Variants in FBN2 observed in about 807,000 individuals in gnomAD.
The protein encoded by FBN2 is fibrillin-2.
FBN2 carries 105 observed loss-of-function variants against 355.6 expected under a neutral mutation model. The observed-to-expected ratio is 0.30, with a 90% confidence interval of 0.25 to 0.35. The LOEUF is 0.35. Among genes scored for constraint, FBN2 ranks in the 10% least tolerant of loss-of-function variants. The pLI is 1.00. For missense variants in FBN2, 3,280 were observed against 3,758.7 expected (o/e 0.87, Z 3.33); for synonymous variants, 1,350 against 1,301.2 (o/e 1.04, Z -0.81).
intron 18 of FBN2, 53 bp downstream of exon 18, chr5:128,364,547 C>T (rs1189201834): frequency 2.8e-5 from 43 of 1,546,820 alleles, no homozygotes; most frequent in Non-Finnish European, 3.7e-5. Flanking sequence ...TAATATAATC[C>T]ATGGGATTAA....
At chr5:128,327,663 A>T (rs1750592404) in intron 34 of FBN2, among the ~76,000 whole-genome samples, 1 of 142,198 alleles carries the variant, frequency 7.0e-6, no homozygotes. Context: ...TTTTAGACTG[A>T]GTTTCGCTCT....
intron 15 of FBN2, among the ~76,000 whole-genome samples, chr5:128,372,154 A>T (rs2126951513): frequency 6.6e-6 from 1 of 152,348 alleles, no homozygotes; most frequent in African/African-American, 2.4e-5. Context: ...GAGGTCCTGT[A>T]TCTTGCTGTC....
intron 4 of FBN2, among the ~76,000 whole-genome samples, chr5:128,523,402 C>T (rs1756486215): frequency 6.6e-6 from 1 of 152,088 alleles, no homozygotes; most frequent in South Asian, 2.1e-4. Flanking sequence ...TTTTCCTCTT[C>T]CCCATCTCAC....
Position 128,406,677 on chromosome 5 carries a change from G to C in FBN2, c.1078+1997C>G, listed in dbSNP as rs1241179704. On this transcript the variant is annotated intron_variant, in intron 8 of 64. Coordinates refer to ENST00000262464, the MANE Select transcript of FBN2 (RefSeq NM_001999.4). ...TACAGCATGGATATGCTGGGAAAAA[G>C]AGGAGTCATACCCTGGACGGGCTGG... is the stretch of plus-strand genomic sequence containing the variant. Among the ~76,000 whole-genome samples, 5 of 152,178 alleles carry C rather than the reference G, an allele frequency of 3.3e-5. 1 individual carries two copies. Among genetic ancestry groups the C allele is most frequent in the Non-Finnish European group, 7.3e-5 (5 of 68,032 alleles).
chr5:128,329,548 C>CA (rs1266118451), intron 33 of FBN2, among the ~76,000 whole-genome samples: 1 of 152,104 alleles, frequency 6.6e-6, no homozygotes, highest in Non-Finnish European at 1.5e-5. Flanking sequence ...GACACAGCCA[C>CA]ACTGAGCTAA....
chr5:128,307,083 T>C (rs1157771801), intron 42 of FBN2, 52 bp downstream of exon 42: 1 of 1,115,268 alleles, frequency 9.0e-7, no homozygotes, highest in Non-Finnish European at 1.4e-6. Context: ...AATAGATTTT[T>C]ACAGAATGCT....
chr5:128,272,902 G>A (rs972210359), intron 61 of FBN2, among the ~76,000 whole-genome samples: 3 of 152,062 alleles, frequency 2.0e-5, no homozygotes, highest in East Asian at 1.9e-4. Flanking sequence ...TACTTTCAAC[G>A]TCTCAACGAT....
chr5:128,298,529 C>T (rs1444564612), intron 48 of FBN2, among the ~76,000 whole-genome samples: 4 of 151,858 alleles, frequency 2.6e-5, no homozygotes, highest in Admixed American at 2.6e-4. Flanking sequence ...GGAGGCTTTG[C>T]TCATTTCTTT....
chr5:128,479,936 C>G (rs1045667209), intron 5 of FBN2, among the ~76,000 whole-genome samples: 1 of 39,392 alleles, frequency 2.5e-5, no homozygotes, highest in Non-Finnish European at 6.1e-5. Context: ...CCTTGTCTCT[C>G]TCTCTCTCTC....
chr5:128,444,234 G>A (rs899042018), intron 7 of FBN2, among the ~76,000 whole-genome samples: 6 of 151,198 alleles, frequency 4.0e-5, no homozygotes, highest in South Asian at 4.2e-4. Flanking sequence ...CACCGCGCCC[G>A]GCTAATTTTT....
chr5:128,480,636 G>T (rs888116669), intron 5 of FBN2, among the ~76,000 whole-genome samples: 1 of 152,148 alleles, frequency 6.6e-6, no homozygotes, highest in Non-Finnish European at 1.5e-5. Context: ...CTTGAACCCG[G>T]GAGGCAGAGG....
intron 7 of FBN2, among the ~76,000 whole-genome samples, chr5:128,424,288 T>C (rs1753430977): frequency 2.0e-5 from 3 of 152,154 alleles, no homozygotes; most frequent in Admixed American, 6.6e-5. Flanking sequence ...TCGATGAAAT[T>C]AGTTTCACTT....
intron 6 of FBN2, among the ~76,000 whole-genome samples, chr5:128,450,470 T>C (rs897607784): frequency 2.0e-5 from 3 of 152,020 alleles, no homozygotes; most frequent in South Asian, 4.1e-4. Context: ...CATGGAGAAA[T>C]AGAACATATT....
rs1561757584 is a variant in FBN2, at chr5:128,301,005, C to A, written c.6047-69G>T. 9.6e-6 allele frequency: 14 copies of A among 1,457,166 alleles called. No individual in the cohort carries two copies. In the East Asian group the frequency reaches 3.0e-4, roughly 31 times the overall value. The allele number at this position is 1,457,166 out of a possible 1,614,324, so 90.3% of individuals were successfully genotyped here. On this transcript the variant is annotated intron_variant, in intron 47 of 64. Coordinates refer to ENST00000262464, the MANE Select transcript of FBN2 (RefSeq NM_001999.4). ...ATTGTTACATAGATTTATCTGTCTG[C>A]CAAATGATATTAACATGAATTCAAC...
At position 128,377,851 on chromosome 5, in the gene FBN2, C is replaced by T. The variant is rs2126958853; in HGVS notation, c.1750G>A (p.Val584Ile). The change falls in exon 13 of 65, where the codon GTT becomes ATT. Residue 584 changes from valine (V) to isoleucine (I), a missense_variant. Val to Ile is a conservative substitution (Grantham distance 29, BLOSUM62 3). Transcript: ENST00000262464. ...ACGCATCGACCGTTTTTACAAAGAA[C>T]CCCATTCTGGATGCACTCATCAATA... ...IDIDECIQNG[V>I]LCKNGRCVNT... 3.7e-6 allele frequency: 6 copies of T among 1,613,436 alleles called. No homozygotes were observed. The highest frequency in any genetic ancestry group is 1.3e-5 in the African/African-American group (1 of 74,982).
rs772227931 is a variant in FBN2, at chr5:128,259,771, T to C, written c.8423A>G (p.Asn2808Ser). 5.0e-6 allele frequency: 8 copies of C among 1,613,232 alleles called. No individual in the cohort carries two copies. The highest frequency in any genetic ancestry group is 6.8e-6 in the Non-Finnish European group (8 of 1,179,912). ...CTCCTTAGAGCCGAGGTGGGAGAGGTTGAACTTCATGTTGACGGGGCTGTC... is the reference window on the plus strand; with the variant it reads ...CTCCTTAGAGCCGAGGTGGGAGAGGCTGAACTTCATGTTGACGGGGCTGTC... The part of the protein sequence containing the change: ...DMDSPVNMKF[N>S]LSHLGSKEHI... The change falls in exon 65 of 65, where the codon AAC becomes AGC. Residue 2808 changes from asparagine to serine, a missense_variant. Around this residue, in one of 6 missense-constraint regions of FBN2, gnomAD observed 311 missense variants for 319.1 expected, o/e 0.97. Transcript: ENST00000262464.
intron 34 of FBN2, chr5:128,328,420 A>G (rs1750610246): frequency 3.3e-6 from 2 of 603,454 alleles, no homozygotes; most frequent in Non-Finnish European, 5.9e-6. Flanking sequence ...ATTTAGTGAT[A>G]AAAAAGAGAA....
At chr5:128,474,897 A>G (rs1754967966) in intron 5 of FBN2, among the ~76,000 whole-genome samples, 2 of 152,238 alleles carry the variant, frequency 1.3e-5, no homozygotes, top group East Asian at 3.8e-4. Context: ...TTCTAGGGAA[A>G]TGCTGAAAAG....
intron 16 of FBN2, among the ~76,000 whole-genome samples, 183 bp from the exon 17 acceptor site, chr5:128,366,613 A>T (rs1430749952): frequency 6.6e-6 from 1 of 152,108 alleles, no homozygotes; most frequent in African/African-American, 2.4e-5. Context: ...AAATAAGCAT[A>T]AAAGAGTAAA....
Sources: gnomAD v4.1 joint callset for allele counts (sites outside exome capture counted in the v4.1 genomes callset) on GRCh38, gnomAD v4.1.1 for gene constraint, gnomAD v4.1.1 regional missense constraint, MANE v1.5 for transcripts, NCBI Gene and HGNC (gene_info 2026-07-23, HGNC 2026-07-21) for gene names.